GPC6: variants seen among roughly 807,000 people sequenced by gnomAD.
GPC6 encodes the protein glypican-6.
A neutral mutation model predicts 55.2 loss-of-function variants in GPC6; 14 were observed. The observed-to-expected ratio is 0.25, with a 90% CI of 0.17 to 0.40. The LOEUF (loss-of-function observed/expected upper bound fraction) is 0.40. GPC6 is among the 10% of genes least tolerant of loss of function. The pLI is 1.00. For missense variants in GPC6, 641 were observed against 708.5 expected (o/e 0.90, Z 1.08); for synonymous variants, 278 against 259.6 (o/e 1.07, Z -0.68).
chr13:93,355,842 G>A (rs1880829705), intron 1 of GPC6, among the ~76,000 whole-genome samples: 1 of 152,014 alleles, frequency 6.6e-6, no homozygotes, highest in East Asian at 1.9e-4. Context: ...GGAAGTATGG[G>A]GTGCATGTGA....
At chr13:94,402,779 A>C (rs1278552514) in intron 8 of GPC6, among the ~76,000 whole-genome samples, 1 of 152,168 alleles carries the variant, frequency 6.6e-6, no homozygotes, top group East Asian at 1.9e-4. Context: ...AGGAAAGAGA[A>C]GTGCCAAGCC....
chr13:93,234,821 A>G lies in GPC6; in HGVS notation c.160+7205A>G, dbSNP rs548316973. Among the ~76,000 whole-genome samples the G allele has an allele frequency of 7.9e-5, 12 of 152,302 alleles. No individual in the cohort carries two copies. In the South Asian group the frequency reaches 1.4e-3, roughly 18 times the overall value. On this transcript the variant is annotated intron_variant, in intron 1 of 8. Transcript: ENST00000377047. ...CTTTAGCATAGTTTTTGTGTGCTTC[A>G]TAATGGAGACAAAACTCAATATCAT... is the stretch of plus-strand genomic sequence containing the variant.
chr13:94,277,076 C>T (rs1892236419), intron 4 of GPC6, among the ~76,000 whole-genome samples: 1 of 152,206 alleles, frequency 6.6e-6, no homozygotes, highest in Non-Finnish European at 1.5e-5. Flanking sequence ...CTTCCTATGT[C>T]CCCACAGCCT....
At chr13:93,584,684 GTTTTTTTTTT>G (rs779571682) in intron 2 of GPC6, among the ~76,000 whole-genome samples, 5 of 95,572 alleles carry the variant, frequency 5.2e-5, no homozygotes, top group Admixed American at 3.7e-4. Flanking sequence ...CCTTCTGAAA[GTTTTTTTTTT>G]TTTTTTTTTT....
rs1393716956 is a variant in GPC6, at chr13:93,439,722, A to AATAAAAATT, written c.161-105540_161-105539insTAAAAATTA. Among the ~76,000 whole-genome samples, 229 of 150,840 alleles carry AATAAAAATT rather than the reference A, an allele frequency of 1.5e-3. 2 individuals carry two copies. The highest frequency in any genetic ancestry group is 5.6e-3 in the African/African-American group (225 of 40,368). ...AATAAAATAAAATAAAATAAAATAA[A>AATAAAAATT]ACACCAAGCTTCGGGTGTGTCTTTA... On this transcript the variant is annotated intron_variant, in intron 1 of 8. Transcript: ENST00000377047.
At chr13:94,217,373 A>T (rs867293569) in intron 4 of GPC6, among the ~76,000 whole-genome samples, 2 of 152,300 alleles carry the variant, frequency 1.3e-5, no homozygotes, top group African/African-American at 2.4e-5. Context: ...TTTGTATGGA[A>T]TGTTGTCTCT....
At chr13:94,082,093 G>A (rs9524326) in intron 4 of GPC6, among the ~76,000 whole-genome samples, 20,306 of 151,730 alleles carry the variant, frequency 0.13, 1,838 homozygotes, top group East Asian at 0.47. Context: ...CACCTGCCTC[G>A]GCCTCCCAAA....
chr13:93,452,224 T>C (rs1878254249), intron 1 of GPC6, among the ~76,000 whole-genome samples: 1 of 152,200 alleles, frequency 6.6e-6, no homozygotes, highest in Non-Finnish European at 1.5e-5. Context: ...ATTTTTCAAG[T>C]AGCATCTCAT....
chr13:93,368,700 T>G (rs1002947463), intron 1 of GPC6, among the ~76,000 whole-genome samples: 4 of 151,990 alleles, frequency 2.6e-5, no homozygotes, highest in Non-Finnish European at 5.9e-5. Flanking sequence ...TCTGAAGGCT[T>G]TTCATTGTTA....
intron 2 of GPC6, among the ~76,000 whole-genome samples, chr13:93,572,617 T>C (rs571565127): frequency 1.3e-5 from 2 of 152,302 alleles, no homozygotes; most frequent in Admixed American, 6.5e-5. Context: ...TAGAAACTTA[T>C]ATTATTCCAT....
intron 3 of GPC6, among the ~76,000 whole-genome samples, chr13:93,982,351 C>T (rs1880843729): frequency 6.6e-6 from 1 of 152,036 alleles, no homozygotes; most frequent in South Asian, 2.1e-4. Flanking sequence ...TGTGATTAGT[C>T]CCAGATGTCT....
At chr13:93,291,296 A>C (rs890689355) in intron 1 of GPC6, among the ~76,000 whole-genome samples, 1 of 152,178 alleles carries the variant, frequency 6.6e-6, no homozygotes, top group Non-Finnish European at 1.5e-5. Context: ...GTCAAGTGAC[A>C]GAGCCACCAT....
In GPC6 at chr13:93,952,908, T is replaced by C. The variant is rs191877916; in HGVS notation, c.712-74821T>C. Among the ~76,000 whole-genome samples the C allele has an allele frequency of 2.8e-3, 410 of 149,062 alleles. 1 individual carries two copies. The highest frequency in any genetic ancestry group is 5.0e-3 in the Non-Finnish European group (338 of 67,300). On this transcript the variant is annotated intron_variant, in intron 3 of 8. Coordinates refer to ENST00000377047, the MANE Select transcript of GPC6 (RefSeq NM_005708.5). ...TATGTGTGATATATACGTGTATATA[T>C]GTATATATATACACGTATATATATA...
chr13:94,001,276 C>T (rs1171263139), intron 3 of GPC6, among the ~76,000 whole-genome samples: 3 of 152,118 alleles, frequency 2.0e-5, no homozygotes, highest in Non-Finnish European at 4.4e-5. Context: ...GCATTTCACA[C>T]ATTAAATTTA....
At chr13:93,641,130 A>G (rs1445681056) in intron 2 of GPC6, among the ~76,000 whole-genome samples, 3 of 152,048 alleles carry the variant, frequency 2.0e-5, no homozygotes, top group Admixed American at 6.6e-5. Context: ...AAAAATATGT[A>G]TATAATTTCA....
chr13:93,904,532 C>T (rs2140329974), intron 3 of GPC6, among the ~76,000 whole-genome samples: 1 of 152,212 alleles, frequency 6.6e-6, no homozygotes, highest in Middle Eastern at 3.4e-3. Flanking sequence ...TTAACACTCT[C>T]TGGGACCACC....
At chr13:93,690,591 C>T (rs1469441500) in intron 2 of GPC6, among the ~76,000 whole-genome samples, 1 of 151,806 alleles carries the variant, frequency 6.6e-6, no homozygotes, top group Non-Finnish European at 1.5e-5. Flanking sequence ...GAACGTCATT[C>T]TTTTCTAAGA....
At chr13:93,816,373 A>C (rs1374134804) in intron 2 of GPC6, among the ~76,000 whole-genome samples, 1 of 152,096 alleles carries the variant, frequency 6.6e-6, no homozygotes, top group South Asian at 2.1e-4. Context: ...AGAGACTACT[A>C]CTTTCTTCTT....
At chr13:93,579,433 A>G (rs771256579) in intron 2 of GPC6, among the ~76,000 whole-genome samples, 6 of 152,076 alleles carry the variant, frequency 3.9e-5, no homozygotes, top group African/African-American at 7.2e-5. Context: ...TAGGAAAAGA[A>G]GAAGAAGGAG....
Sources: allele counts gnomAD v4.1 joint callset (sites outside exome capture counted in the v4.1 genomes callset), GRCh38; gene constraint gnomAD v4.1.1; transcripts MANE v1.5; gene names NCBI Gene and HGNC (gene_info 2026-07-23, HGNC 2026-07-21).